KIAA1217: variants seen among roughly 807,000 people sequenced by gnomAD.
The protein encoded by KIAA1217 is sickle tail protein homolog.
KIAA1217 carries 88 observed loss-of-function variants against 163.9 expected under a neutral mutation model. That is an observed-to-expected ratio of 0.54 (90% CI 0.45 to 0.64). The LOEUF (loss-of-function observed/expected upper bound fraction) is 0.64. Ranked by LOEUF, KIAA1217 falls within the 30% of genes least tolerant of loss-of-function variation. KIAA1217 has a pLI of 0.00. For missense variants in KIAA1217, 2,372 were observed against 2,475.0 expected (o/e 0.96, Z 0.88); for synonymous variants, 903 against 923.1 (o/e 0.98, Z 0.39).
intron 1 of KIAA1217, among the ~76,000 whole-genome samples, chr10:23,928,547 C>T (rs1242556822): frequency 6.6e-6 from 1 of 152,066 alleles, no homozygotes; most frequent in Non-Finnish European, 1.5e-5. Context: ...ACTCTAGGGC[C>T]TGGGGATGGA....
intron 2 of KIAA1217, among the ~76,000 whole-genome samples, chr10:24,314,218 CT>C (rs1192217261): frequency 1.3e-5 from 2 of 152,186 alleles, no homozygotes; most frequent in Admixed American, 1.3e-4. Flanking sequence ...CCAATGCCTA[CT>C]GTAGCTCTGT....
chr10:24,143,619 G>A (rs2064179190), intron 2 of KIAA1217, among the ~76,000 whole-genome samples: 1 of 152,036 alleles, frequency 6.6e-6, no homozygotes, highest in Non-Finnish European at 1.5e-5. Context: ...GCTACATTCT[G>A]CTTCTGCTTC....
chr10:24,366,286 T>C (rs2050772161), intron 2 of KIAA1217, among the ~76,000 whole-genome samples: 1 of 151,724 alleles, frequency 6.6e-6, no homozygotes, highest in African/African-American at 2.4e-5. Flanking sequence ...CTCTACTAAA[T>C]ATACAAAAAT....
intron 13 of KIAA1217, among the ~76,000 whole-genome samples, chr10:24,526,437 C>T (rs374429403): frequency 1.3e-5 from 2 of 152,230 alleles, no homozygotes; most frequent in East Asian, 1.9e-4. Flanking sequence ...TTGGCAGATC[C>T]GTCACTTAAG....
In KIAA1217 at chr10:24,498,316, T is replaced by G. The variant is rs2067082983; in HGVS notation, c.1835-3063T>G. ...AGAAAGGGAAGAAGATCATGGAAAG[T>G]TTCAAAGTGACTAAAAGGAAAAGAA... On this transcript the variant is annotated intron_variant, in intron 8 of 20. Transcript: ENST00000376454. Among the ~76,000 whole-genome samples, 3 of 152,238 alleles carry G rather than the reference T, an allele frequency of 2.0e-5. No individual in the cohort carries two copies. In the South Asian group the frequency reaches 6.2e-4, roughly 32 times the overall value.
At chr10:24,495,015 G>C (rs887327406) in intron 7 of KIAA1217, 132 bp from the exon 8 acceptor site, 12 of 720,938 alleles carry the variant, frequency 1.7e-5, no homozygotes, top group Non-Finnish European at 2.5e-5. Flanking sequence ...TTGTGATGCT[G>C]ATGCTAAAAT....
At chr10:23,849,022 C>A (rs1002779216) in intron 1 of KIAA1217, among the ~76,000 whole-genome samples, 21 of 152,016 alleles carry the variant, frequency 1.4e-4, no homozygotes, top group African/African-American at 4.8e-4. Flanking sequence ...CAGAACCTGG[C>A]ACAGTCCTAG....
chr10:23,952,550 AC>A (rs1844387505), intron 1 of KIAA1217, among the ~76,000 whole-genome samples: 1 of 152,058 alleles, frequency 6.6e-6, no homozygotes, highest in Non-Finnish European at 1.5e-5. Context: ...TATTGACAAG[AC>A]CCTTCAGTAC....
chr10:23,702,802 C>T (rs1214073093), intron 1 of KIAA1217, among the ~76,000 whole-genome samples: 1 of 151,886 alleles, frequency 6.6e-6, no homozygotes, highest in Non-Finnish European at 1.5e-5. Context: ...ACTTTATTTG[C>T]TACTTAAAAA....
intron 2 of KIAA1217, among the ~76,000 whole-genome samples, chr10:24,125,708 CAG>C (rs1268104318): frequency 4.6e-5 from 7 of 152,056 alleles, no homozygotes; most frequent in African/African-American, 1.7e-4. Flanking sequence ...CTATTTCTAA[CAG>C]TGAAAATTGA....
At chr10:24,048,862 C>A (rs966081255) in intron 2 of KIAA1217, among the ~76,000 whole-genome samples, 1 of 151,818 alleles carries the variant, frequency 6.6e-6, no homozygotes, top group South Asian at 2.1e-4. Flanking sequence ...GAAACCCCAT[C>A]TCTACTAAAA....
intron 2 of KIAA1217, among the ~76,000 whole-genome samples, chr10:24,091,421 C>T (rs1350941384): frequency 6.6e-6 from 1 of 151,948 alleles, no homozygotes. Context: ...CTGTTTTACT[C>T]ATTAATGAGT....
intron 1 of KIAA1217, among the ~76,000 whole-genome samples, chr10:23,944,089 C>T (rs1843905975): frequency 6.6e-6 from 1 of 151,994 alleles, no homozygotes; most frequent in Non-Finnish European, 1.5e-5. Flanking sequence ...TGGACTTTAC[C>T]AAAATTGAGA....
chr10:23,966,621 C>A (rs11013818), intron 1 of KIAA1217, among the ~76,000 whole-genome samples: 1 of 152,026 alleles, frequency 6.6e-6, no homozygotes, highest in Admixed American at 6.5e-5. Flanking sequence ...TGCTCTCATC[C>A]CCTCTGGCAT....
At chr10:23,915,850 G>A (rs1343709) in intron 1 of KIAA1217, among the ~76,000 whole-genome samples, 60,708 of 151,946 alleles carry the variant, frequency 0.4, 14,200 homozygotes, top group African/African-American at 0.65. Context: ...AAGCCAGCTC[G>A]TAGACAGTAT....
At chr10:24,043,287 G>A (rs1848747006) in intron 2 of KIAA1217, among the ~76,000 whole-genome samples, 1 of 152,020 alleles carries the variant, frequency 6.6e-6, no homozygotes, top group African/African-American at 2.4e-5. Context: ...TTGGCCCTGT[G>A]ATTTTATAGT....
intron 4 of KIAA1217, among the ~76,000 whole-genome samples, chr10:24,436,743 GT>G (rs1418454256): frequency 1.8e-5 from 2 of 109,988 alleles, no homozygotes; most frequent in African/African-American, 3.5e-5. Context: ...GGGCGACAGA[GT>G]GAGACTCCGT....
chr10:24,157,111 C>T (rs556760627), intron 2 of KIAA1217, among the ~76,000 whole-genome samples: 1 of 152,288 alleles, frequency 6.6e-6, no homozygotes, highest in African/African-American at 2.4e-5. Flanking sequence ...AGTGCTTGTC[C>T]ATTTCACATT....
chr10:24,436,562 T>C (rs376921417), intron 4 of KIAA1217, among the ~76,000 whole-genome samples: 7 of 150,922 alleles, frequency 4.6e-5, no homozygotes, highest in African/African-American at 7.3e-5. Context: ...ATCGAGACCA[T>C]CCTGGTTAAC....
Sources: gnomAD v4.1 joint callset for allele counts (sites outside exome capture counted in the v4.1 genomes callset) on GRCh38, gnomAD v4.1.1 for gene constraint, MANE v1.5 for transcripts, NCBI Gene and HGNC (gene_info 2026-07-23, HGNC 2026-07-21) for gene names.